The following LY75 variants were observed in gnomAD, a reference collection of about 807,000 sequenced individuals.
LY75 encodes C-type lectin domain family 13 member B.
A neutral mutation model predicts 231.7 loss-of-function variants in LY75; 185 were observed. The observed-to-expected ratio is 0.80, with a 90% CI of 0.71 to 0.90. The LOEUF is 0.90. LY75 is among the 40% of genes least tolerant of loss of function. The pLI is 0.00. For missense variants in LY75, 1,947 were observed against 2,050.2 expected, an observed-to-expected ratio of 0.95 and a Z score of 0.97; for synonymous variants, 668 against 689.0, an observed-to-expected ratio of 0.97 and a Z score of 0.48.
rs140371353 is a variant in LY75 at position 159,898,076 on chromosome 2, A to G, written c.466+612T>C. Among the ~76,000 whole-genome samples the G allele has an allele frequency of 1.9e-3, 293 of 152,286 alleles. 1 individual carries two copies. Among genetic ancestry groups the G allele is most frequent in the African/African-American group, 6.7e-3 (279 of 41,562 alleles). On this transcript the variant is annotated intron_variant, in intron 2 of 34. Transcript: ENST00000263636. ...CCATTTTATTCAAAATCCGTAGGCA[A>G]GAAAAAATATATTTTTCCTCCTTCT... is the stretch of plus-strand genomic sequence containing the variant.
At chr2:159,869,328 A>G (rs1172973842) in intron 13 of LY75, among the ~76,000 whole-genome samples, 3 of 151,976 alleles carry the variant, frequency 2.0e-5, no homozygotes, top group Non-Finnish European at 4.4e-5. Context: ...AAGAAAGGCC[A>G]TGGTCCAGAG....
At chr2:159,894,432 G>A (rs923122565) in intron 2 of LY75, among the ~76,000 whole-genome samples, 6 of 152,188 alleles carry the variant, frequency 3.9e-5, no homozygotes, top group Non-Finnish European at 8.8e-5. Context: ...CTCTGCTGTG[G>A]GCCGCAGAGC....
intron 32 of LY75, among the ~76,000 whole-genome samples, chr2:159,809,254 C>G: frequency 6.6e-6 from 1 of 152,172 alleles, no homozygotes; most frequent in East Asian, 1.9e-4. Context: ...TTGAAATACT[C>G]TAGGTAGTTC....
At chr2:159,890,972 CAT>C (rs1478843932) in intron 3 of LY75, among the ~76,000 whole-genome samples, 28 of 152,092 alleles carry the variant, frequency 1.8e-4, no homozygotes, top group Admixed American at 1.8e-3. Context: ...AACATATATA[CAT>C]ATGTGTTTGT....
intron 24 of LY75, among the ~76,000 whole-genome samples, chr2:159,841,881 CAATT>C (rs1036981396): frequency 1.5e-4 from 23 of 151,912 alleles, no homozygotes; most frequent in African/African-American, 5.3e-4. Flanking sequence ...CCATCAGATA[CAATT>C]AATTAATTTA....
intron 6 of LY75, among the ~76,000 whole-genome samples, chr2:159,884,632 T>G (rs1436383443): frequency 1.3e-5 from 2 of 152,138 alleles, no homozygotes. Flanking sequence ...CTTACTCCTG[T>G]GTCTATAGGT....
intron 13 of LY75, among the ~76,000 whole-genome samples, chr2:159,871,632 A>G (rs569141148): frequency 9.2e-5 from 14 of 152,204 alleles, no homozygotes; most frequent in African/African-American, 2.9e-4. Flanking sequence ...GCAGAATTGG[A>G]CTTTATTATT....
rs778742330 is a variant in LY75, at chr2:159,850,365, G to T, written c.2986C>A (p.Gln996Lys). ...TLPSVLSQIE[Q>K]DFITSLLPDM... ...GTTTCCCAAATAATTCCAGTACCTT[G>T]TTCAATCTGGCTCAACACTGAAGGA... is the stretch of plus-strand genomic sequence containing the variant. Residue 996 changes from glutamine to lysine, a missense_variant, in exon 22 of 35, where the codon CAA becomes AAA. Physicochemically the swap from Gln to Lys is moderately conservative, Grantham distance 53. Coordinates refer to ENST00000263636, the MANE Select transcript of LY75 (RefSeq NM_002349.4). The T allele has an allele frequency of 1.2e-6, 2 of 1,613,472 alleles. No individual in the cohort carries two copies. Among genetic ancestry groups the T allele is most frequent in the Non-Finnish European group, 1.7e-6 (2 of 1,179,696 alleles).
In LY75 at chr2:159,803,897, T is replaced by C. The variant is rs1255923699; in HGVS notation, c.*1147A>G. 6.6e-6 allele frequency: 1 copy of C among 152,234 alleles called. No individual in the cohort carries two copies. Among genetic ancestry groups the C allele is most frequent in the Non-Finnish European group, 1.5e-5 (1 of 68,038 alleles). 9.4% of individuals were successfully genotyped at this position (152,234 alleles called of 1,614,324 possible). On this transcript the variant is annotated 3_prime_UTR_variant, in exon 35 of 35. Coordinates refer to ENST00000263636, the MANE Select transcript of LY75 (RefSeq NM_002349.4). ...CACATGTTAAAAAAGTAAAACAAAA[T>C]TCTTAGTCAAAAGTTGACATGCTAT...
At chr2:159,819,261 G>T (rs1683213727) in intron 29 of LY75, among the ~76,000 whole-genome samples, 1 of 152,140 alleles carries the variant, frequency 6.6e-6, no homozygotes, top group African/African-American at 2.4e-5. Context: ...TTTAAAAATA[G>T]ATTTATTTAA....
At chr2:159,885,434 T>C in intron 5 of LY75, 141 bp from the exon 6 acceptor site, 1 of 1,011,090 alleles carries the variant, frequency 9.9e-7, no homozygotes, top group Non-Finnish European at 1.4e-6. Flanking sequence ...TTGAAACGTA[T>C]AAGCCTCAAT....
chr2:159,815,378 G>A (rs1266456876), intron 31 of LY75, 27 bp downstream of exon 31: 1 of 1,568,608 alleles, frequency 6.4e-7, no homozygotes, highest in Admixed American at 2.1e-5. Flanking sequence ...TTTCATAAAT[G>A]TACTGTTACT....
chr2:159,835,397 T>G, intron 26 of LY75, 83 bp downstream of exon 26: 1 of 1,384,746 alleles, frequency 7.2e-7, no homozygotes, highest in Non-Finnish European at 9.4e-7. Context: ...CAAAACCAGA[T>G]TTTATAAAAC....
chr2:159,807,493 AT>A (rs1414613116), intron 33 of LY75, among the ~76,000 whole-genome samples: 1 of 152,200 alleles, frequency 6.6e-6, no homozygotes, highest in African/African-American at 2.4e-5. Flanking sequence ...CTAAGGACCC[AT>A]ATCCTTCCCC....
chr2:159,817,827 C>T (rs1683168027), intron 29 of LY75, among the ~76,000 whole-genome samples: 1 of 151,960 alleles, frequency 6.6e-6, no homozygotes, highest in Non-Finnish European at 1.5e-5. Context: ...GCGGGGGGAT[C>T]ACCTGAGGTC....
At chr2:159,814,875 A>G (rs1401687250) in intron 31 of LY75, among the ~76,000 whole-genome samples, 1 of 152,012 alleles carries the variant, frequency 6.6e-6, no homozygotes, top group African/African-American at 2.4e-5. Context: ...CTAGGGTAGA[A>G]TTTACCTGGT....
At chr2:159,882,031 A>G (rs1685452126) in intron 7 of LY75, 93 bp downstream of exon 7, 2 of 1,444,066 alleles carry the variant, frequency 1.4e-6, no homozygotes, top group African/African-American at 1.4e-5. Flanking sequence ...TGTGGGATCA[A>G]ACTGTAAGCT....
intron 3 of LY75, among the ~76,000 whole-genome samples, chr2:159,893,688 C>T (rs1685825701): frequency 6.6e-6 from 1 of 152,082 alleles, no homozygotes; most frequent in Non-Finnish European, 1.5e-5. Flanking sequence ...TGGAACACTC[C>T]CTCCTCCTCC....
chr2:159,830,739 G>A (rs1683628460), intron 28 of LY75, among the ~76,000 whole-genome samples: 1 of 152,064 alleles, frequency 6.6e-6, no homozygotes, highest in Admixed American at 6.5e-5. Flanking sequence ...ACGTCACCAT[G>A]CCTGGCTAAT....
Sources: allele counts gnomAD v4.1 joint callset (sites outside exome capture counted in the v4.1 genomes callset), GRCh38; gene constraint gnomAD v4.1.1; transcripts MANE v1.5; gene names NCBI Gene and HGNC (gene_info 2026-07-23, HGNC 2026-07-21).